Variants in PARVB observed in about 807,000 individuals in gnomAD.
PARVB encodes parvin beta.
In PARVB, 46 loss-of-function variants were observed where a neutral mutation model predicts 47.0. The observed-to-expected ratio is 0.98, with a 90% CI of 0.77 to 1.25. The LOEUF (loss-of-function observed/expected upper bound fraction) is 1.25. Among genes scored for constraint, PARVB ranks in the 50% most tolerant of loss-of-function variants. The pLI, the probability that PARVB is intolerant of heterozygous loss-of-function variation, is 0.00. For missense variants in PARVB, 473 were observed against 471.6 expected (o/e 1.00, Z -0.03); for synonymous variants, 196 against 196.3 (o/e 1.00, Z 0.01).
chr22:44,082,409 C>T (rs1262667508), intron 1 of PARVB, among the ~76,000 whole-genome samples: 2 of 152,098 alleles, frequency 1.3e-5, no homozygotes, highest in East Asian at 1.9e-4. Flanking sequence ...ATCCCAGCTA[C>T]TCAGGAGGCT....
chr22:44,055,320 A>G (rs1263897764), intron 1 of PARVB, among the ~76,000 whole-genome samples: 2 of 151,650 alleles, frequency 1.3e-5, no homozygotes, highest in African/African-American at 4.8e-5. Flanking sequence ...AACAGAACCA[A>G]TGGGAGATAT....
chr22:44,009,791 CAT>C (rs67967945), intron 2 of PARVB, among the ~76,000 whole-genome samples: 11,128 of 150,366 alleles, frequency 0.074, 555 homozygotes, highest in Non-Finnish European at 0.11. Context: ...TATGCATACA[CAT>C]GTGTGCATAT....
At chr22:44,037,755 T>G (rs904167874) in intron 1 of PARVB, among the ~76,000 whole-genome samples, 5 of 152,244 alleles carry the variant, frequency 3.3e-5, no homozygotes, top group Non-Finnish European at 7.3e-5. Context: ...AGTAAGCTGA[T>G]GTCATTCCTG....
chr22:44,128,988 G>A (rs2147152789), intron 4 of PARVB, among the ~76,000 whole-genome samples: 1 of 152,346 alleles, frequency 6.6e-6, no homozygotes, highest in South Asian at 2.1e-4. Context: ...TGAGGCAGGA[G>A]GATCGCTTGA....
upstream of PARVB, chr22:44,024,299 T>G (rs1427596843): frequency 1.5e-5 from 15 of 976,536 alleles, no homozygotes; most frequent in East Asian, 1.4e-3. Flanking sequence ...ACCGGGCGGC[T>G]CCACACGCGC....
rs2054106206 is a variant in PARVB at position 44,163,877 on chromosome 22, C to T, written c.965C>T (p.Ala322Val). The change falls in exon 12 of 13, where the codon GCC (alanine) becomes GTC (valine). Residue 322 changes from alanine to valine, a missense_variant. By Grantham distance (64) the Ala-to-Val change is moderately conservative. Transcript: ENST00000338758. ...FDQKVHNVSFAFELMLDGGLK... is the reference protein window; with the variant it reads ...FDQKVHNVSFVFELMLDGGLK... ...TGGCAGGTCCACAATGTGTCCTTCG[C>T]CTTTGAGCTGATGCTGGACGGAGGC... 6.2e-7 allele frequency: 1 copy of T among 1,610,910 alleles called. No homozygotes were observed.
Position 44,032,606 on chromosome 22 carries a change from C to T in PARVB, c.112+8155C>T, listed in dbSNP as rs532538199. Among the ~76,000 whole-genome samples, 3 of 152,256 alleles carry T rather than the reference C, an allele frequency of 2.0e-5. No homozygotes were observed. The South Asian group carries it at 6.2e-4, about 32-fold the overall frequency. On this transcript the variant is annotated intron_variant, in intron 1 of 12. Transcript: ENST00000338758. ...GATGGTCCCTTGTGGAGCAAAGCAG[C>T]ACTTGTGGTGTAAGGAAGGAAAGCC...
intron 3 of PARVB, among the ~76,000 whole-genome samples, chr22:44,100,567 T>C (rs1270275037): frequency 1.3e-5 from 2 of 152,106 alleles, no homozygotes; most frequent in Admixed American, 6.5e-5. Flanking sequence ...CTGCGCTGAG[T>C]GGACAGTCAG....
At chr22:44,119,169 C>T (rs748858161) in intron 4 of PARVB, 29 bp downstream of exon 4, 2 of 1,462,664 alleles carry the variant, frequency 1.4e-6, no homozygotes, top group Admixed American at 1.7e-5. Context: ...CAGCTCTGTC[C>T]CACCCCCATC....
chr22:44,013,055 C>G (rs35222770), intron 2 of PARVB, among the ~76,000 whole-genome samples: 80,169 of 151,750 alleles, frequency 0.53, 21,472 homozygotes, highest in East Asian at 0.75. Flanking sequence ...CACCACCACG[C>G]CCGGTTAATT....
At chr22:44,039,703 T>G (rs764938744) in intron 1 of PARVB, 14 of 373,586 alleles carry the variant, frequency 3.7e-5, no homozygotes, top group Non-Finnish European at 7.1e-5. Context: ...GGAATGATCC[T>G]GGGCAGTGTC....
rs944488124 is a variant in PARVB, at chr22:44,068,633, C to G, written c.113-25295C>G. ...TGGTCCTCCTGACGTAGTCGGCACACGGGAGATGCAGCTGGGGTGGCACGT... is the reference window on the plus strand; with the variant it reads ...TGGTCCTCCTGACGTAGTCGGCACAGGGGAGATGCAGCTGGGGTGGCACGT... On this transcript the variant is annotated intron_variant, in intron 1 of 12. Transcript: ENST00000338758. The surrounding 1 kb of genome is among the most constrained non-coding windows in gnomAD (Gnocchi z 4.1). 6.6e-6 allele frequency among the ~76,000 whole-genome samples: 1 copy of G among 152,214 alleles called. No individual in the cohort carries two copies. The highest frequency in any genetic ancestry group is 1.5e-5 in the Non-Finnish European group (1 of 68,032).
chr22:44,001,506 A>G (rs944288583), intron 2 of PARVB, among the ~76,000 whole-genome samples: 9 of 152,216 alleles, frequency 5.9e-5, no homozygotes, highest in Non-Finnish European at 1.0e-4. Context: ...AGCTTATTTT[A>G]TAAGAAAGTA....
Position 44,024,369 on chromosome 22 carries a change from G to A in PARVB, c.30G>A (p.Pro10=), listed in dbSNP as rs2050693207. 3.0e-5 allele frequency: 35 copies of A among 1,182,094 alleles called. No homozygotes were observed. The highest frequency in any genetic ancestry group is 3.7e-5 in the Non-Finnish European group (35 of 945,890). 73.2% of individuals were successfully genotyped at this position (1,182,094 alleles called of 1,614,324 possible). ...CCTCCGCGCCGCGCTCGCCCACCCC[G>A]CGGCCCCGCAGGATGAAGAAGGACG... MSSAPRSPT[P]RPRRMKKDES... Residue 10 remains proline, a synonymous_variant, in exon 1 of 13, where the codon CCG becomes CCA. Coordinates refer to ENST00000338758, the MANE Select transcript of PARVB (RefSeq NM_013327.5).
rs2052501029 is a variant in PARVB, at chr22:44,103,636, G to A, written c.273+3513G>A. 6.6e-6 allele frequency: 1 copy of A among 152,262 alleles called. No homozygotes were observed. The highest frequency in any genetic ancestry group is 1.5e-5 in the Non-Finnish European group (1 of 68,078). The allele number at this position is 152,262 out of a possible 1,614,324, so 9.4% of individuals were successfully genotyped here. A position where few individuals can be genotyped will look rare whatever the true frequency, so the allele number is the denominator to read the frequency against. ...TGGGTGTAGTTAGTGACCTTGCAAT[G>A]AGGAGGTCATCCTGGATGATCCAGG... On this transcript the variant is annotated intron_variant, in intron 3 of 12. Transcript: ENST00000338758. The surrounding 1 kb of genome is among the most constrained non-coding windows in gnomAD (Gnocchi z 4.6).
intron 2 of PARVB, among the ~76,000 whole-genome samples, chr22:44,096,107 C>A (rs899822191): frequency 6.6e-5 from 10 of 152,212 alleles, no homozygotes; most frequent in African/African-American, 2.4e-4. Flanking sequence ...CACCTGAAAT[C>A]CCCGCTACCT....
chr22:44,167,064 G>A (rs1345974211), intron 12 of PARVB, among the ~76,000 whole-genome samples: 3 of 152,158 alleles, frequency 2.0e-5, no homozygotes, highest in East Asian at 1.9e-4. Context: ...GCACGTGGGC[G>A]GGTCTGAAGA....
intron 10 of PARVB, among the ~76,000 whole-genome samples, chr22:44,154,499 G>GGTGTGT (rs3053820): frequency 6.7e-6 from 1 of 149,004 alleles, no homozygotes; most frequent in African/African-American, 2.5e-5. Flanking sequence ...GTCTGTTGGG[G>GGTGTGT]GTGTGTGTGT....
intron 1 of PARVB, chr22:44,040,107 A>C (rs1319566891): frequency 7.8e-6 from 2 of 255,034 alleles, no homozygotes; most frequent in African/African-American, 2.3e-5. Flanking sequence ...TATTCTTTAC[A>C]GTGAGAGTGG....
Sources: allele counts gnomAD v4.1 joint callset (sites outside exome capture counted in the v4.1 genomes callset), GRCh38; gene constraint gnomAD v4.1.1; non-coding constraint Gnocchi (gnomAD v3.1); transcripts MANE v1.5; gene names NCBI Gene and HGNC (gene_info 2026-07-23, HGNC 2026-07-21).